The following ZNF516 variants were observed in gnomAD, a reference collection of about 807,000 sequenced individuals.
ZNF516 encodes zinc finger protein 516.
ZNF516 carries 19 observed loss-of-function variants against 79.7 expected under a neutral mutation model. The observed-to-expected ratio is 0.24, with a 90% CI of 0.17 to 0.35. ZNF516 has a LOEUF of 0.35. Ranked by LOEUF, ZNF516 falls within the 10% of genes least tolerant of loss-of-function variation. The pLI, the probability that ZNF516 is intolerant of heterozygous loss-of-function variation, is 1.00. For missense variants in ZNF516, 1,678 were observed against 1,679.5 expected, an observed-to-expected ratio of 1.00 and a Z score of 0.02; for synonymous variants, 877 against 739.5, an observed-to-expected ratio of 1.19 and a Z score of -3.02.
chr18:76,401,871 A>ACCAC (rs2075232409), intron 3 of ZNF516, among the ~76,000 whole-genome samples: 3 of 85,604 alleles, frequency 3.5e-5, no homozygotes, highest in Non-Finnish European at 4.7e-5. Flanking sequence ...GCACCCCTCC[A>ACCAC]CTACTGTTTA....
rs1364987870 is a variant in ZNF516, at chr18:76,360,868, GGTGT to G, written c.*1626_*1629del. ...TTAGAACAGGAAACCCACACTTTAG[GGTGT>G]GTGTGTGTGTTTGTGTGTGTGTGTG... On this transcript the variant is annotated 3_prime_UTR_variant, in exon 7 of 7. Coordinates refer to ENST00000443185, the MANE Select transcript of ZNF516 (RefSeq NM_014643.4). 4 of 148,876 alleles carry G rather than the reference GGTGT, an allele frequency of 2.7e-5. No individual in the cohort carries two copies. Among genetic ancestry groups the G allele is most frequent in the Admixed American group, 1.3e-4 (2 of 14,892 alleles). 9.2% of individuals were successfully genotyped at this position (148,876 alleles called of 1,614,324 possible).
chr18:76,367,209 C>T (rs919562812), intron 6 of ZNF516, among the ~76,000 whole-genome samples: 3 of 152,200 alleles, frequency 2.0e-5, no homozygotes, highest in African/African-American at 4.8e-5. Context: ...CTGTCCCTCA[C>T]TTTCCAAGCC....
At chr18:76,492,458 GC>G in intron 1 of ZNF516, 1 of 730,062 alleles carries the variant, frequency 1.4e-6, no homozygotes, top group Non-Finnish European at 1.7e-6. Flanking sequence ...ACTTTCACTG[GC>G]CACGAGCGCT....
At chr18:76,406,079 C>G (rs920620864) in intron 3 of ZNF516, among the ~76,000 whole-genome samples, 2 of 152,154 alleles carry the variant, frequency 1.3e-5, no homozygotes, top group African/African-American at 4.8e-5. Flanking sequence ...AGGTGAGGGG[C>G]CTCCTTCAGG....
chr18:76,411,080 C>T (rs1178595979), intron 3 of ZNF516, among the ~76,000 whole-genome samples: 1 of 152,152 alleles, frequency 6.6e-6, no homozygotes, highest in Non-Finnish European at 1.5e-5. Flanking sequence ...GTTCTTAAGA[C>T]AACTGAAAAG....
intron 3 of ZNF516, among the ~76,000 whole-genome samples, chr18:76,439,106 T>C (rs2075781176): frequency 6.6e-6 from 1 of 152,226 alleles, no homozygotes; most frequent in African/African-American, 2.4e-5. Flanking sequence ...AGATTCAAAA[T>C]ACCCAGTTTC....
chr18:76,483,809 G>A (rs1340791533), intron 1 of ZNF516, among the ~76,000 whole-genome samples: 1 of 152,212 alleles, frequency 6.6e-6, no homozygotes, highest in Admixed American at 6.5e-5. Context: ...GGCACCCACT[G>A]CGGGGCTGGG....
At chr18:76,440,255 T>TTA (rs1326798714) in intron 3 of ZNF516, among the ~76,000 whole-genome samples, 21 of 152,244 alleles carry the variant, frequency 1.4e-4, no homozygotes, top group Admixed American at 1.1e-3. Context: ...AAATCTCTAA[T>TTA]AAGGAAAAAT....
intron 1 of ZNF516, 111 bp from the exon 2 acceptor site, chr18:76,463,252 C>T (rs1291610029): frequency 1.3e-5 from 2 of 152,182 alleles, no homozygotes; most frequent in East Asian, 1.9e-4. Flanking sequence ...TTGGGGCTAC[C>T]GTAGGTATTT....
At chr18:76,374,821 C>T (rs953868084) in intron 4 of ZNF516, among the ~76,000 whole-genome samples, 4 of 152,156 alleles carry the variant, frequency 2.6e-5, no homozygotes, top group Non-Finnish European at 5.9e-5. Context: ...ACGACACCCA[C>T]CTAGCAGACA....
intron 3 of ZNF516, among the ~76,000 whole-genome samples, chr18:76,401,820 A>C: frequency 7.3e-6 from 1 of 136,996 alleles, no homozygotes; most frequent in Non-Finnish European, 1.6e-5. Context: ...CACCAACCAC[A>C]CCCCCGCGCT....
At chr18:76,395,643 C>A (rs1301481622) in intron 3 of ZNF516, among the ~76,000 whole-genome samples, 1 of 152,002 alleles carries the variant, frequency 6.6e-6, no homozygotes, top group Non-Finnish European at 1.5e-5. Flanking sequence ...AGGTGGACAT[C>A]CCAGAGCTAC....
intron 1 of ZNF516, among the ~76,000 whole-genome samples, chr18:76,470,740 C>T (rs982011682): frequency 8.5e-5 from 13 of 152,308 alleles, no homozygotes; most frequent in South Asian, 4.1e-4. Context: ...CAAGGCTGGG[C>T]GCGGTGGCTA....
Position 76,441,273 on chromosome 18 carries a change from A to G in ZNF516, c.1782T>C (p.Gly594=), listed in dbSNP as rs781458358. The change falls in exon 3 of 7, where the codon GGT becomes GGC. Residue 594 remains glycine (G), a synonymous_variant. Coordinates refer to ENST00000443185, the MANE Select transcript of ZNF516 (RefSeq NM_014643.4). ...GLADEAAEDS[G]EEGAPEPAPG... is the part of the protein sequence containing the mutation. Reference sequence around the variant, plus strand: ...GTGCAGGTTCAGGGGCGCCCTCCTCACCACTGTCTTCGGCAGCCTCGTCGG... The same window carrying G: ...GTGCAGGTTCAGGGGCGCCCTCCTCGCCACTGTCTTCGGCAGCCTCGTCGG... 7 of 1,610,672 alleles carry G rather than the reference A, an allele frequency of 4.3e-6. No individual in the cohort carries two copies. Among genetic ancestry groups the G allele is most frequent in the Non-Finnish European group, 5.9e-6 (7 of 1,179,274 alleles).
chr18:76,485,253 C>A (rs966274562), intron 1 of ZNF516, among the ~76,000 whole-genome samples: 1 of 152,100 alleles, frequency 6.6e-6, no homozygotes, highest in Non-Finnish European at 1.5e-5. Context: ...ATGCTAAAGA[C>A]ATGAAAAGCT....
intron 3 of ZNF516, among the ~76,000 whole-genome samples, chr18:76,414,966 G>A (rs555292681): frequency 6.6e-6 from 1 of 152,254 alleles, no homozygotes; most frequent in African/African-American, 2.4e-5. Flanking sequence ...GGGAGGCCGA[G>A]GTGGGCAGAT....
intron 3 of ZNF516, among the ~76,000 whole-genome samples, chr18:76,397,267 G>T (rs2075160243): frequency 6.6e-6 from 1 of 152,092 alleles, no homozygotes; most frequent in African/African-American, 2.4e-5. Context: ...AATAAACGCT[G>T]CTGCCAATCG....
At chr18:76,396,681 A>G (rs988106212) in intron 3 of ZNF516, among the ~76,000 whole-genome samples, 1 of 152,120 alleles carries the variant, frequency 6.6e-6, no homozygotes, top group Non-Finnish European at 1.5e-5. Flanking sequence ...ACTAAGACAA[A>G]ACTACATAGA....
intron 3 of ZNF516, among the ~76,000 whole-genome samples, chr18:76,407,825 CCA>C (rs752988311): frequency 6.6e-6 from 1 of 152,212 alleles, no homozygotes; most frequent in Non-Finnish European, 1.5e-5. Context: ...GCCCAAGTTT[CCA>C]CAGTGTTCAC....
Sources: allele counts gnomAD v4.1 joint callset (sites outside exome capture counted in the v4.1 genomes callset), GRCh38; gene constraint gnomAD v4.1.1; transcripts MANE v1.5; gene names NCBI Gene and HGNC (gene_info 2026-07-23, HGNC 2026-07-21).